Variants in ELAPOR1 observed in about 807,000 individuals in gnomAD.
ELAPOR1 encodes endosome/lysosome-associated apoptosis and autophagy regulator 1.
Under a neutral mutation model 119.7 loss-of-function variants are expected in ELAPOR1, and 77 were observed. The ratio of observed to expected loss-of-function variants is 0.64; its 90% CI spans 0.54 to 0.78. ELAPOR1 has a LOEUF of 0.78. ELAPOR1 is among the 30% of genes least tolerant of loss of function. ELAPOR1 has a pLI of 0.00. For synonymous variants in ELAPOR1, 481 were observed against 487.2 expected (o/e 0.99, Z 0.17); for missense variants, 1,115 against 1,270.4 (o/e 0.88, Z 1.86).
At chr1:109,150,018 C>T (rs1205857086) in intron 1 of ELAPOR1, among the ~76,000 whole-genome samples, 1 of 152,320 alleles carries the variant, frequency 6.6e-6, no homozygotes, top group Non-Finnish European at 1.5e-5. Context: ...TTATTACTGC[C>T]GCAGTCCTGT....
At chr1:109,186,983 G>A (rs916210900) in intron 8 of ELAPOR1, 11 of 985,446 alleles carry the variant, frequency 1.1e-5, no homozygotes, top group Non-Finnish European at 1.2e-5. Flanking sequence ...GCTTTCAGGA[G>A]TGCGCATGAA....
chr1:109,173,686 A>G lies in ELAPOR1; in HGVS notation c.803-2A>G, dbSNP rs774922981. 1.2e-6 allele frequency: 2 copies of G among 1,613,844 alleles called. No individual in the cohort carries two copies. Among genetic ancestry groups the G allele is most frequent in the Non-Finnish European group, 1.7e-6 (2 of 1,179,902 alleles). ...CTTTTCTGTGCTCTTCCTCCTCCCT[A>G]GGGGTGGCCTACACTTCAGAATGCT... On this transcript the variant is annotated splice_acceptor_variant, in intron 6 of 21. Coordinates refer to ENST00000369939, the MANE Select transcript of ELAPOR1 (RefSeq NM_020775.5). LOFTEE classifies it high-confidence loss of function.
At chr1:109,152,771 C>G (rs1036284244) in intron 1 of ELAPOR1, among the ~76,000 whole-genome samples, 3 of 151,604 alleles carry the variant, frequency 2.0e-5, no homozygotes, top group African/African-American at 4.8e-5. Flanking sequence ...TGGCAAAACC[C>G]CATCTCTATT....
At chr1:109,177,734 T>C (rs1652436974) in intron 7 of ELAPOR1, among the ~76,000 whole-genome samples, 1 of 152,100 alleles carries the variant, frequency 6.6e-6, no homozygotes, top group South Asian at 2.1e-4. Context: ...TTTATTCCTC[T>C]TCCCCACTCT....
chr1:109,178,247 T>C (rs1652474185), intron 7 of ELAPOR1, among the ~76,000 whole-genome samples: 1 of 152,014 alleles, frequency 6.6e-6, no homozygotes, highest in Non-Finnish European at 1.5e-5. Flanking sequence ...CTGACCTCAG[T>C]TGATCCACCC....
intron 1 of ELAPOR1, among the ~76,000 whole-genome samples, chr1:109,128,270 A>AACCTT (rs757738308): frequency 6.6e-6 from 1 of 152,238 alleles, no homozygotes; most frequent in African/African-American, 2.4e-5. Flanking sequence ...TCTAAGTATG[A>AACCTT]ACCTTACTGC....
chr1:109,200,943 G>A (rs532433472), intron 21 of ELAPOR1, 43 bp downstream of exon 21: 2 of 1,586,164 alleles, frequency 1.3e-6, no homozygotes, highest in South Asian at 1.1e-5. Context: ...CTGGAGGGCT[G>A]GAGGAGACAC....
At chr1:109,186,215 G>C (rs886493978) in intron 8 of ELAPOR1, among the ~76,000 whole-genome samples, 4 of 152,082 alleles carry the variant, frequency 2.6e-5, no homozygotes, top group African/African-American at 9.7e-5. Context: ...GAGCTTTCCA[G>C]GCAGCAGACA....
intron 1 of ELAPOR1, among the ~76,000 whole-genome samples, chr1:109,152,015 A>G (rs900352207): frequency 1.3e-5 from 2 of 151,938 alleles, no homozygotes; most frequent in Non-Finnish European, 2.9e-5. Context: ...CTGGGACTAC[A>G]GGCACGTGCC....
intron 1 of ELAPOR1, among the ~76,000 whole-genome samples, chr1:109,149,443 G>C (rs570215802): frequency 2.2e-4 from 34 of 152,234 alleles, no homozygotes; most frequent in South Asian, 4.1e-4. Context: ...TACCCTCCCT[G>C]TTTATAGACA....
intron 1 of ELAPOR1, among the ~76,000 whole-genome samples, chr1:109,142,700 G>T (rs1038482759): frequency 1.3e-5 from 2 of 152,176 alleles, no homozygotes; most frequent in African/African-American, 4.8e-5. Context: ...TACATTGCTG[G>T]TGGGAATATA....
At chr1:109,190,348 A>G (rs898348443) in intron 11 of ELAPOR1, among the ~76,000 whole-genome samples, 1 of 152,212 alleles carries the variant, frequency 6.6e-6, no homozygotes, top group African/African-American at 2.4e-5. Flanking sequence ...CCCGCTGGTT[A>G]ACACAGCTGC....
intron 7 of ELAPOR1, among the ~76,000 whole-genome samples, chr1:109,176,648 C>A (rs955676154): frequency 7.5e-6 from 1 of 134,124 alleles, no homozygotes; most frequent in Non-Finnish European, 1.6e-5. Context: ...GGGTGTTTCT[C>A]GCAGAGGGGG....
rs372901118 is a variant in ELAPOR1, at chr1:109,191,435, C to T, written c.1509C>T (p.Thr503=). 6.2e-7 allele frequency: 1 copy of T among 1,614,022 alleles called. No individual in the cohort carries two copies. ...EVARITFVFE[T]LCSVNCELYF... The stretch of plus-strand genomic sequence containing the variant: ...CCAGAATCACATTTGTCTTTGAGAC[C>T]CTCTGTTCTGTGAACTGTGAGCTCT... Residue 503 remains threonine (T), a synonymous_variant, in exon 12 of 22, where the codon ACC becomes ACT. Transcript: ENST00000369939.
chr1:109,173,063 C>G (rs1051346458), intron 5 of ELAPOR1, among the ~76,000 whole-genome samples: 4 of 146,690 alleles, frequency 2.7e-5, no homozygotes, highest in Admixed American at 6.9e-5. Context: ...AGCCATTGCA[C>G]TCCAGCCTGG....
At chr1:109,134,451 C>T (rs764343490) in intron 1 of ELAPOR1, among the ~76,000 whole-genome samples, 3 of 152,060 alleles carry the variant, frequency 2.0e-5, no homozygotes, top group East Asian at 3.9e-4. Context: ...TGCTCTCTTC[C>T]GCCACCAAGA....
rs78600576 is a variant in ELAPOR1 at position 109,196,339 on chromosome 1, C to G, written c.2122-1135C>G. Among the ~76,000 whole-genome samples the G allele has an allele frequency of 5.9e-3, 901 of 152,272 alleles. 8 individuals are homozygous for G. Among genetic ancestry groups the G allele is most frequent in the African/African-American group, 0.021 (871 of 41,550 alleles). On this transcript the variant is annotated intron_variant, in intron 15 of 21. Transcript: ENST00000369939. ...TATGAAAGATTAGAGATAGGTGTCTCTATCTTGTTTTCAGAAGTCTTCGAA... is the reference window on the plus strand; with the variant it reads ...TATGAAAGATTAGAGATAGGTGTCTGTATCTTGTTTTCAGAAGTCTTCGAA...
intron 7 of ELAPOR1, among the ~76,000 whole-genome samples, chr1:109,177,319 A>G (rs1652389913): frequency 7.5e-6 from 1 of 133,368 alleles, no homozygotes; most frequent in African/African-American, 3.2e-5. Context: ...TGCTGGGCGG[A>G]GGGGCTCCTC....
intron 21 of ELAPOR1, among the ~76,000 whole-genome samples, chr1:109,202,110 GTATT>G (rs557486442): frequency 6.6e-6 from 1 of 151,794 alleles, no homozygotes; most frequent in African/African-American, 2.4e-5. Context: ...TAAAAAACAT[GTATT>G]TATTTATTTA....
Sources: allele counts gnomAD v4.1 joint callset (sites outside exome capture counted in the v4.1 genomes callset), GRCh38; gene constraint gnomAD v4.1.1; transcripts MANE v1.5; gene names NCBI Gene and HGNC (gene_info 2026-07-23, HGNC 2026-07-21).